Variants in POMGNT1 observed in about 807,000 individuals in gnomAD.
The protein encoded by POMGNT1 is protein O-linked-mannose beta-1,2-N-acetylglucosaminyltransferase 1.
In POMGNT1, 67 loss-of-function variants were observed where a neutral mutation model predicts 95.6. That is an observed-to-expected ratio of 0.70 (90% CI 0.58 to 0.86). The LOEUF is 0.86. Among genes scored for constraint, POMGNT1 ranks in the 40% least tolerant of loss-of-function variants. POMGNT1 has a pLI of 0.00. For synonymous variants in POMGNT1, 298 were observed against 317.9 expected, an observed-to-expected ratio of 0.94 and a Z score of 0.66; for missense variants, 719 against 855.2, an observed-to-expected ratio of 0.84 and a Z score of 1.99.
chr1:46,217,493 T>G (rs1201537140), intron 1 of POMGNT1, among the ~76,000 whole-genome samples: 1 of 152,184 alleles, frequency 6.6e-6, no homozygotes, highest in African/African-American at 2.4e-5. Flanking sequence ...CTGAGTAATT[T>G]TATTGCCTAT....
At chr1:46,210,563 C>T (rs893105286) in intron 1 of POMGNT1, among the ~76,000 whole-genome samples, 1 of 152,114 alleles carries the variant, frequency 6.6e-6, no homozygotes, top group Non-Finnish European at 1.5e-5. Flanking sequence ...TCCTATGACC[C>T]CCTCCTTGGG....
rs572032511 is a variant in POMGNT1, at chr1:46,197,576, T to A, written c.120+126A>T. ...TATAGGGACATGACACATAGAGGTC[T>A]CCCCTCTAGGAACCTGCTGCCCCTT... On this transcript the variant is annotated intron_variant, in intron 2 of 21. Transcript: ENST00000371984. The A allele has an allele frequency of 1.8e-5, 28 of 1,564,866 alleles. No individual in the cohort carries two copies. In the East Asian group the frequency reaches 6.3e-4, roughly 35 times the overall value.
At chr1:46,197,912 C>T in intron 1 of POMGNT1, 41 bp from the exon 2 acceptor site, 1 of 1,589,988 alleles carries the variant, frequency 6.3e-7, no homozygotes, top group South Asian at 1.1e-5. Context: ...GATGCTCCTC[C>T]CAAAGTCTGA....
intron 1 of POMGNT1, among the ~76,000 whole-genome samples, chr1:46,208,850 AAAAT>A (rs1227425358): frequency 2.6e-5 from 4 of 152,200 alleles, no homozygotes; most frequent in Admixed American, 1.3e-4. Flanking sequence ...CAAAAAGAGA[AAAAT>A]AAATAAATAA....
chr1:46,189,409 T>C, intron 21 of POMGNT1, 49 bp downstream of exon 21: 1 of 1,613,824 alleles, frequency 6.2e-7, no homozygotes, highest in East Asian at 2.2e-5. Flanking sequence ...GCTATATCCC[T>C]GGATCTCACT....
In POMGNT1 at chr1:46,189,557, A is replaced by C; in HGVS notation, c.1796T>G (p.Ile599Ser). ...GTTGCCACGCACATCCAGGTCCCAG[A>C]TATGGAGGCACTAGTGAGGGTGGGA... ...TWTQLAKCLH[I>S]WDLDVRGNHR... is the part of the protein sequence containing the mutation. The change falls in exon 21 of 22, where the codon ATC becomes AGC. Residue 599 changes from isoleucine (I) to serine (S), a missense_variant. Physicochemically the swap from Ile to Ser is moderately radical, Grantham distance 142 (BLOSUM62 -2). Coordinates refer to ENST00000371984, the MANE Select transcript of POMGNT1 (RefSeq NM_017739.4). The C allele has an allele frequency of 3.1e-6, 5 of 1,611,562 alleles. No homozygotes were observed. Among genetic ancestry groups the C allele is most frequent in the Non-Finnish European group, 4.2e-6 (5 of 1,178,834 alleles).
chr1:46,194,376 T>G lies in POMGNT1; in HGVS notation c.777A>C (p.Thr259=), dbSNP rs1374813522. The change falls in exon 9 of 22, where the codon ACA becomes ACC. Residue 259 remains threonine, a synonymous_variant. Coordinates refer to ENST00000371984, the MANE Select transcript of POMGNT1 (RefSeq NM_017739.4). ...AGCGCCGGCGGCGACGGTTCAGCTC[T>G]GTGTCTGCCCAGTGGCACTCTGCCT... ...AEEAECHWAD[T]ELNRRRRRFC... 6.2e-7 allele frequency: 1 copy of G among 1,614,232 alleles called. No individual in the cohort carries two copies. The highest frequency in any genetic ancestry group is 1.3e-5 in the African/African-American group (1 of 75,062).
chr1:46,194,522 C>T (rs1027202830), intron 8 of POMGNT1, 31 bp downstream of exon 8: 5 of 1,613,848 alleles, frequency 3.1e-6, no homozygotes, highest in Middle Eastern at 1.6e-4. Context: ...CCAGCCCAGG[C>T]CCTGCCCCAT....
intron 18 of POMGNT1, 67 bp from the exon 19 acceptor site, chr1:46,190,584 C>G: frequency 6.5e-7 from 1 of 1,536,596 alleles, no homozygotes; most frequent in African/African-American, 1.4e-5. Flanking sequence ...TAGCACTGAG[C>G]AGGGCAAGGG....
rs1029952535 is a variant in POMGNT1, at chr1:46,196,556, C to A, written c.354+175G>T. Among the ~76,000 whole-genome samples, 1 of 152,244 alleles carries A rather than the reference C, an allele frequency of 6.6e-6. No homozygotes were observed. The highest frequency in any genetic ancestry group is 1.5e-5 in the Non-Finnish European group (1 of 68,050). On this transcript the variant is annotated intron_variant, in intron 4 of 21. Transcript: ENST00000371984. The surrounding 1 kb of genome is among the most constrained non-coding windows in gnomAD (Gnocchi z 4.4). ...ACACTTCACAAACTTTTCATTGAAT[C>A]CTGACAAGTAGAAATCATTAGTCCC...
At chr1:46,190,092 AAG>A in intron 19 of POMGNT1, 103 bp from the exon 20 acceptor site, 2 of 1,210,332 alleles carry the variant, frequency 1.7e-6, no homozygotes, top group Non-Finnish European at 2.3e-6. Context: ...TGCCACCTTG[AAG>A]TTCTTTTTTT....
chr1:46,210,510 C>G (rs1658859165), intron 1 of POMGNT1, among the ~76,000 whole-genome samples: 1 of 152,188 alleles, frequency 6.6e-6, no homozygotes, highest in Non-Finnish European at 1.5e-5. Flanking sequence ...AGTCGTAAAT[C>G]TGGGCCTCCT....
intron 1 of POMGNT1, among the ~76,000 whole-genome samples, chr1:46,210,079 A>T (rs1658846619): frequency 6.6e-6 from 1 of 152,102 alleles, no homozygotes; most frequent in South Asian, 2.1e-4. Flanking sequence ...CCCCTTATTG[A>T]GACTGCAAGC....
Position 46,190,740 on chromosome 1 carries a change from G to T in POMGNT1, c.1584C>A (p.Val528=). Residue 528 remains valine (V), a synonymous_variant, in exon 18 of 22, where the codon GTC becomes GTA. Coordinates refer to ENST00000371984, the MANE Select transcript of POMGNT1 (RefSeq NM_017739.4). ...KKHKFNTVPG[V]QLRNVDSLKK... ...CCAACCTGTCCACATTCCTGAGCTG[G>T]ACACCTGGAACCGTGTTGAACTTGT... 6.2e-7 allele frequency: 1 copy of T among 1,613,792 alleles called. No individual in the cohort carries two copies. Among genetic ancestry groups the T allele is most frequent in the South Asian group, 1.1e-5 (1 of 91,058 alleles).
Position 46,198,324 on chromosome 1 carries a change from G to A in POMGNT1, c.-51+12C>T, listed in dbSNP as rs1462570054. On this transcript the variant is annotated intron_variant, in intron 1 of 21. Transcript: ENST00000371984. Reference sequence around the variant, plus strand: ...CGCTACCCGTTCCGGACACCCACGCGGAGGCACTCACGGCTTAGGGGCCCC... The same window carrying A: ...CGCTACCCGTTCCGGACACCCACGCAGAGGCACTCACGGCTTAGGGGCCCC... 1 of 154,352 alleles carries A rather than the reference G, an allele frequency of 6.5e-6. No individual in the cohort carries two copies. Among genetic ancestry groups the A allele is most frequent in the African/African-American group, 2.4e-5 (1 of 41,458 alleles). 9.6% of individuals were successfully genotyped at this position (154,352 alleles called of 1,614,324 possible). A position where few individuals can be genotyped will look rare whatever the true frequency, so the allele number is the denominator to read the frequency against.
At chr1:46,202,923 GTGT>G (rs1375730476), upstream of POMGNT1, among the ~76,000 whole-genome samples, 3 of 89,130 alleles carry the variant, frequency 3.4e-5, no homozygotes, top group Admixed American at 1.1e-4. Flanking sequence ...GGGGGGTGGT[GTGT>G]GTGTGTGTGT....
Position 46,196,127 on chromosome 1 carries a change from T to C in POMGNT1, c.355-50A>G. 1 of 1,612,888 alleles carries C rather than the reference T, an allele frequency of 6.2e-7. No individual in the cohort carries two copies. The highest frequency in any genetic ancestry group is 8.5e-7 in the Non-Finnish European group (1 of 1,179,938). On this transcript the variant is annotated intron_variant, in intron 4 of 21. Transcript: ENST00000371984. The surrounding 1 kb of genome is among the most constrained non-coding windows in gnomAD (Gnocchi z 4.4). ...CAGCTTTTCACTCTGGCATTCAAGG[T>C]GTCTCTGTCTTAGGGGTACTTAAAA...
At chr1:46,200,031 G>A (rs1411168865), upstream of POMGNT1, among the ~76,000 whole-genome samples, 3 of 152,208 alleles carry the variant, frequency 2.0e-5, no homozygotes, top group Admixed American at 6.5e-5. Flanking sequence ...TTAGCTGGGC[G>A]TGGTGACAGG....
At chr1:46,219,708 C>G (rs368611590) in exon 1 of POMGNT1, 1 of 1,588,194 alleles carries the variant, frequency 6.3e-7, no homozygotes, top group Admixed American at 1.7e-5. Flanking sequence ...GGCTTACCTG[C>G]GAGCCATCGA....
Sources: allele counts gnomAD v4.1 joint callset (sites outside exome capture counted in the v4.1 genomes callset), GRCh38; gene constraint gnomAD v4.1.1; non-coding constraint Gnocchi (gnomAD v3.1); transcripts MANE v1.5; gene names NCBI Gene and HGNC (gene_info 2026-07-23, HGNC 2026-07-21).